The following UNC5D variants were observed in gnomAD, a reference collection of about 807,000 sequenced individuals.
The protein encoded by UNC5D is unc-5 netrin receptor D, also known as netrin receptor UNC5D.
Under a neutral mutation model 105.4 loss-of-function variants are expected in UNC5D, and 39 were observed. That is an observed-to-expected ratio of 0.37 (90% CI 0.29 to 0.48). The LOEUF (loss-of-function observed/expected upper bound fraction) is 0.48. Ranked by LOEUF, UNC5D falls within the 20% of genes least tolerant of loss-of-function variation. The probability of loss-of-function intolerance (pLI) is 0.98; values close to 1 mark genes in which losing one functional copy is unlikely to be tolerated. For synonymous variants in UNC5D, 452 were observed against 450.4 expected (o/e 1.00, Z -0.04); for missense variants, 991 against 1,202.4 (o/e 0.82, Z 2.60).
chr8:35,500,124 G>C (rs1002927436), intron 1 of UNC5D, among the ~76,000 whole-genome samples: 2 of 152,164 alleles, frequency 1.3e-5, no homozygotes, highest in African/African-American at 4.8e-5. Context: ...GTATTAATTA[G>C]TTTTCAAGGA....
intron 10 of UNC5D, chr8:35,727,414 G>C (rs548030022): frequency 5.0e-4 from 76 of 152,290 alleles, no homozygotes; most frequent in African/African-American, 1.7e-3. Context: ...AGTCTAGACA[G>C]ATGTCTCTCT....
intron 16 of UNC5D, among the ~76,000 whole-genome samples, chr8:35,783,561 C>G (rs1325714840): frequency 6.6e-6 from 1 of 152,122 alleles, no homozygotes; most frequent in Non-Finnish European, 1.5e-5. Context: ...GCAAGGTGCC[C>G]TTGGTAGCTC....
At chr8:35,658,404 T>G (rs1823901639) in intron 4 of UNC5D, among the ~76,000 whole-genome samples, 1 of 152,188 alleles carries the variant, frequency 6.6e-6, no homozygotes, top group East Asian at 1.9e-4. Flanking sequence ...TGCACCATCT[T>G]TGAAGCCAGG....
intron 4 of UNC5D, among the ~76,000 whole-genome samples, chr8:35,600,376 G>T (rs1344572385): frequency 6.6e-6 from 1 of 152,142 alleles, no homozygotes; most frequent in African/African-American, 2.4e-5. Flanking sequence ...AGGAATTGCT[G>T]CACTGACTTC....
In UNC5D at chr8:35,429,523, T is replaced by G. The variant is rs192883581; in HGVS notation, c.104-119769T>G. On this transcript the variant is annotated intron_variant, in intron 1 of 16. Coordinates refer to ENST00000404895, the MANE Select transcript of UNC5D (RefSeq NM_080872.4). ...TAAGTATACAAACTTGTTTTGTATT[T>G]TATTATATCATCATTAATTTCATTA... Among the ~76,000 whole-genome samples the G allele has an allele frequency of 4.8e-3, 738 of 152,274 alleles. 7 individuals are homozygous for G. The highest frequency in any genetic ancestry group is 7.2e-3 in the Non-Finnish European group (491 of 67,988).
rs748674670 is a variant in UNC5D, at chr8:35,759,349, T to C, written c.2193T>C (p.Gly731=). 4 of 1,613,758 alleles carry C rather than the reference T, an allele frequency of 2.5e-6. No individual in the cohort carries two copies. Among genetic ancestry groups the C allele is most frequent in the Non-Finnish European group, 3.4e-6 (4 of 1,179,894 alleles). Reference sequence around the variant, plus strand: ...TGGTTTCAGATGAAAGGCATCAAGGTGGACAGCTCCTGGAAGAACCAAAAT... The same window carrying C: ...TGGTTTCAGATGAAAGGCATCAAGGCGGACAGCTCCTGGAAGAACCAAAAT... ...QEVVSDERHQ[G]GQLLEEPKLL... The change falls in exon 14 of 17, where the codon GGT becomes GGC. Residue 731 remains glycine, a synonymous_variant. Coordinates refer to ENST00000404895, the MANE Select transcript of UNC5D (RefSeq NM_080872.4).
At chr8:35,671,913 T>C (rs1398813616) in intron 4 of UNC5D, among the ~76,000 whole-genome samples, 1 of 152,182 alleles carries the variant, frequency 6.6e-6, no homozygotes, top group Non-Finnish European at 1.5e-5. Flanking sequence ...AATTACCTTC[T>C]ATAATTGGAA....
rs750548244 is a variant in UNC5D at position 35,595,545 on chromosome 8, T to A, written c.467-9T>A. On this transcript the variant is annotated splice_polypyrimidine_tract_variant and intron_variant, in intron 3 of 16. Transcript: ENST00000404895. ...AACAAAGTGTCACCTATCTCATGCT[T>A]CTTTGCAGATTTACGGAAAAACTTT... is the stretch of plus-strand genomic sequence containing the variant. 1 of 1,613,414 alleles carries A rather than the reference T, an allele frequency of 6.2e-7. No homozygotes were observed. Among genetic ancestry groups the A allele is most frequent in the South Asian group, 1.1e-5 (1 of 91,066 alleles).
chr8:35,663,561 T>G (rs1185960039), intron 4 of UNC5D, among the ~76,000 whole-genome samples: 1 of 152,172 alleles, frequency 6.6e-6, no homozygotes, highest in Non-Finnish European at 1.5e-5. Context: ...TCTGGCATGC[T>G]CTGGTGCTGG....
At chr8:35,706,809 A>G (rs1238447643) in intron 8 of UNC5D, among the ~76,000 whole-genome samples, 1 of 152,168 alleles carries the variant, frequency 6.6e-6, no homozygotes, top group African/African-American at 2.4e-5. Context: ...TTAAATATGC[A>G]CCACCTCAGA....
At chr8:35,334,010 A>G (rs1489384550) in intron 1 of UNC5D, among the ~76,000 whole-genome samples, 2 of 152,144 alleles carry the variant, frequency 1.3e-5, no homozygotes, top group Non-Finnish European at 2.9e-5. Flanking sequence ...AGAGCATTTT[A>G]CTCTGTAGGA....
At chr8:35,602,639 G>C (rs1819970259) in intron 4 of UNC5D, among the ~76,000 whole-genome samples, 3 of 152,106 alleles carry the variant, frequency 2.0e-5, no homozygotes, top group Admixed American at 2.0e-4. Context: ...TGGGATTGGT[G>C]GTGATATCCC....
In UNC5D at chr8:35,719,180, ACACACACG is replaced by A. The variant is rs1264951323; in HGVS notation, c.1118-3029_1118-3022del. ...CACACACACACACACACACACACACACACACACGACTTTCTCCCTTCTCTCATGAAGTC... is the reference window on the plus strand; with the variant it reads ...CACACACACACACACACACACACACAACTTTCTCCCTTCTCTCATGAAGTC... On this transcript the variant is annotated intron_variant, in intron 8 of 16. Transcript: ENST00000404895. 4.6e-3 allele frequency among the ~76,000 whole-genome samples: 683 copies of A among 146,986 alleles called. 7 individuals carry two copies. Among genetic ancestry groups the A allele is most frequent in the African/African-American group, 0.018 (658 of 37,394 alleles).
chr8:35,527,118 AT>A (rs201602306), intron 1 of UNC5D, among the ~76,000 whole-genome samples: 160 of 143,432 alleles, frequency 1.1e-3, no homozygotes, highest in South Asian at 2.0e-3. Context: ...CTTTTTGGTT[AT>A]TTTTTTTTTT....
At chr8:35,297,460 T>C (rs1286147313) in intron 1 of UNC5D, among the ~76,000 whole-genome samples, 1 of 152,084 alleles carries the variant, frequency 6.6e-6, no homozygotes, top group African/African-American at 2.4e-5. Context: ...TAGCAGAGGA[T>C]AGAAATATTT....
chr8:35,642,156 G>C (rs1161894012), intron 4 of UNC5D, among the ~76,000 whole-genome samples: 1 of 152,062 alleles, frequency 6.6e-6, no homozygotes, highest in East Asian at 1.9e-4. Context: ...CCTGATCTAT[G>C]AAAGCAGCAA....
chr8:35,413,737 G>T (rs1360927561), intron 1 of UNC5D, among the ~76,000 whole-genome samples: 1 of 152,084 alleles, frequency 6.6e-6, no homozygotes, highest in Admixed American at 6.6e-5. Context: ...CTTCATAAAT[G>T]CCATGTACAA....
At position 35,684,714 on chromosome 8, in the gene UNC5D, C is replaced by T; in HGVS notation, c.884C>T (p.Ser295Leu). 1.2e-6 allele frequency: 2 copies of T among 1,613,768 alleles called. No homozygotes were observed. The highest frequency in any genetic ancestry group is 1.7e-6 in the Non-Finnish European group (2 of 1,179,868). The change falls in exon 6 of 17, where the codon TCA becomes TTA. Residue 295 changes from serine (S) to leucine (L), a missense_variant. This residue lies in a region of UNC5D where 944 missense variants were observed against 1,131.6 expected (regional missense o/e 0.83). Coordinates refer to ENST00000404895, the MANE Select transcript of UNC5D (RefSeq NM_080872.4). ...LNGGAFCEGM[S>L]VQKITCTSLC... ...GGTGGGGCCTTTTGTGAGGGAATGT[C>T]AGTGCAGAAAATAACCTGCACTTCT...
At position 35,538,409 on chromosome 8, in the gene UNC5D, A is replaced by ATG. The variant is rs1306083784; in HGVS notation, c.104-10882_104-10881insGT. 6.0e-3 allele frequency among the ~76,000 whole-genome samples: 266 copies of ATG among 44,698 alleles called. 1 individual carries two copies. Among genetic ancestry groups the ATG allele is most frequent in the Middle Eastern group, 9.4e-3 (1 of 106 alleles). 29.3% of individuals were successfully genotyped at this position (44,698 alleles called of 152,430 possible). A position where few individuals can be genotyped will look rare whatever the true frequency, so the allele number is the denominator to read the frequency against. On this transcript the variant is annotated intron_variant, in intron 1 of 16. Transcript: ENST00000404895. ...AAAAAAAATAATTATATATATATAT[A>ATG]TATATATATATATATATATATATAT...
Sources: allele counts gnomAD v4.1 joint callset (sites outside exome capture counted in the v4.1 genomes callset), GRCh38; gene constraint gnomAD v4.1.1; regional missense constraint gnomAD v4.1.1; transcripts MANE v1.5; gene names NCBI Gene and HGNC (gene_info 2026-07-23, HGNC 2026-07-21).